Variants in CATSPERE observed in about 807,000 individuals in gnomAD.
The protein encoded by CATSPERE is cation channel sperm-associated auxiliary subunit epsilon.
Under a neutral mutation model 114.1 loss-of-function variants are expected in CATSPERE, and 93 were observed. The ratio of observed to expected loss-of-function variants is 0.81; its 90% CI spans 0.69 to 0.97. The LOEUF (loss-of-function observed/expected upper bound fraction) is 0.97. Ranked by LOEUF, CATSPERE falls within the 50% of genes least tolerant of loss-of-function variation. The pLI, the probability that CATSPERE is intolerant of heterozygous loss-of-function variation, is 0.00. For missense variants in CATSPERE, 1,058 were observed against 1,131.6 expected (o/e 0.93, Z 0.93); for synonymous variants, 341 against 384.1 (o/e 0.89, Z 1.31).
At position 244,572,572 on chromosome 1, in the gene CATSPERE, C is replaced by A. The variant is rs987587706; in HGVS notation, c.1750C>A (p.Pro584Thr). The A allele has an allele frequency of 6.2e-7, 1 of 1,614,050 alleles. No individual in the cohort carries two copies. Among genetic ancestry groups the A allele is most frequent in the South Asian group, 1.1e-5 (1 of 91,072 alleles). Reference protein sequence around the residue: ...SIAFTTKDKCPYMAFHNNVAH... With the variant: ...SIAFTTKDKCTYMAFHNNVAH... ...AGCTTTCACAACAAAAGACAAATGC[C>A]CATACATGGCATTTCATAACAATGT... Residue 584 changes from proline (P) to threonine (T), a missense_variant, in exon 11 of 22, where the codon CCA becomes ACA. Pro to Thr is a conservative substitution (Grantham distance 38). Around this residue, in one of 2 missense-constraint regions of CATSPERE, gnomAD observed 787 missense variants for 905.6 expected, o/e 0.87. Transcript: ENST00000366534.
chr1:244,475,690 C>T (rs1669225363), intron 2 of CATSPERE, among the ~76,000 whole-genome samples: 1 of 151,876 alleles, frequency 6.6e-6, no homozygotes, highest in Non-Finnish European at 1.5e-5. Flanking sequence ...GTGCGCACCA[C>T]CACGCCTAGC....
At chr1:244,596,380 C>G (rs1046931697) in intron 17 of CATSPERE, among the ~76,000 whole-genome samples, 1 of 152,226 alleles carries the variant, frequency 6.6e-6, no homozygotes, top group African/African-American at 2.4e-5. Context: ...GTCTACAGAG[C>G]AGCCATTCTG....
chr1:244,577,127 T>C (rs903576482), intron 11 of CATSPERE, among the ~76,000 whole-genome samples: 2 of 151,854 alleles, frequency 1.3e-5, no homozygotes, highest in African/African-American at 2.4e-5. Flanking sequence ...AATTTTATAA[T>C]TTTTTTCAGT....
chr1:244,618,283 T>C (rs1279796678), intron 20 of CATSPERE, among the ~76,000 whole-genome samples: 1 of 152,030 alleles, frequency 6.6e-6, no homozygotes, highest in African/African-American at 2.4e-5. Context: ...CTATGGCTTG[T>C]GGAGTCGCAA....
At chr1:244,622,947 C>G (rs1672584154) in intron 20 of CATSPERE, among the ~76,000 whole-genome samples, 1 of 152,054 alleles carries the variant, frequency 6.6e-6, no homozygotes, top group South Asian at 2.1e-4. Flanking sequence ...CCAAAAGTGT[C>G]CTAGGTAGCC....
chr1:244,474,739 T>C (rs868596988), intron 2 of CATSPERE, among the ~76,000 whole-genome samples: 5 of 138,342 alleles, frequency 3.6e-5, no homozygotes, highest in African/African-American at 1.5e-4. Flanking sequence ...TTCTTCTTCT[T>C]TTTTTTTTTT....
At position 244,640,212 on chromosome 1, in the gene CATSPERE, G is replaced by T; in HGVS notation, c.*131G>T. ...TCGTAGTAGGCATCACCAAATTCAA[G>T]ATCTGAAAAATATTCTTGAACTATC... On this transcript the variant is annotated 3_prime_UTR_variant, in exon 22 of 22. Coordinates refer to ENST00000366534, the MANE Select transcript of CATSPERE (RefSeq NM_001130957.2). 1 of 614,402 alleles carries T rather than the reference G, an allele frequency of 1.6e-6. No homozygotes were observed. Among genetic ancestry groups the T allele is most frequent in the Non-Finnish European group, 2.7e-6 (1 of 373,338 alleles). The allele number at this position is 614,402 out of a possible 1,614,324, so 38.1% of individuals were successfully genotyped here. A position where few individuals can be genotyped will look rare whatever the true frequency, so the allele number is the denominator to read the frequency against.
upstream of CATSPERE, among the ~76,000 whole-genome samples, chr1:244,459,921 C>A (rs569453620): frequency 5.9e-5 from 9 of 152,338 alleles, no homozygotes; most frequent in Non-Finnish European, 1.0e-4. Context: ...GGTTCACTCC[C>A]ATTCCCATTA....
At chr1:244,620,888 T>C (rs374024358) in intron 20 of CATSPERE, among the ~76,000 whole-genome samples, 30 of 149,800 alleles carry the variant, frequency 2.0e-4, no homozygotes, top group African/African-American at 7.1e-4. Context: ...GGAGGACAAG[T>C]GTAAGGCCCT....
At chr1:244,487,527 C>T (rs1485218533) in intron 5 of CATSPERE, among the ~76,000 whole-genome samples, 1 of 152,120 alleles carries the variant, frequency 6.6e-6, no homozygotes, top group Non-Finnish European at 1.5e-5. Flanking sequence ...GAGTAAGCCA[C>T]GCCATCATCA....
intron 10 of CATSPERE, among the ~76,000 whole-genome samples, chr1:244,565,476 G>C (rs1039113340): frequency 6.6e-6 from 1 of 152,086 alleles, no homozygotes; most frequent in African/African-American, 2.4e-5. Flanking sequence ...TTTCATTTTG[G>C]GAGGGTGTAT....
intron 12 of CATSPERE, among the ~76,000 whole-genome samples, chr1:244,583,092 G>A (rs1666475763): frequency 6.6e-6 from 1 of 151,884 alleles, no homozygotes; most frequent in Admixed American, 6.6e-5. Context: ...ATCTCTTTAT[G>A]CTCCTAATGG....
chr1:244,586,146 T>C (rs769704419), intron 13 of CATSPERE, among the ~76,000 whole-genome samples: 6 of 152,232 alleles, frequency 3.9e-5, no homozygotes, highest in Admixed American at 6.5e-5. Flanking sequence ...TGTCCAGTTC[T>C]GGGAATATGT....
intron 10 of CATSPERE, among the ~76,000 whole-genome samples, chr1:244,566,089 T>C (rs1663427072): frequency 6.6e-6 from 1 of 152,248 alleles, no homozygotes; most frequent in East Asian, 1.9e-4. Context: ...CCAGTAGTCA[T>C]TCAGGAGCAG....
At position 244,461,313 on chromosome 1, in the gene CATSPERE, T is replaced by G; in HGVS notation, c.-117T>G. The stretch of plus-strand genomic sequence containing the variant: ...TGGTCTTCAGGCCCGGCCCGCCCTG[T>G]CCAGAGGCGCCGGGACCCAGGCGCC... On this transcript the variant is annotated 5_prime_UTR_variant, in exon 1 of 22. Transcript: ENST00000366534. The G allele has an allele frequency of 3.4e-6, 3 of 889,474 alleles. No individual in the cohort carries two copies. The highest frequency in any genetic ancestry group is 4.5e-6 in the Non-Finnish European group (3 of 664,350). The allele number at this position is 889,474 out of a possible 1,614,324, so 55.1% of individuals were successfully genotyped here. A position where few individuals can be genotyped will look rare whatever the true frequency, so the allele number is the denominator to read the frequency against.
intron 8 of CATSPERE, among the ~76,000 whole-genome samples, chr1:244,527,563 G>A (rs1026096112): frequency 2.0e-5 from 3 of 152,034 alleles, no homozygotes; most frequent in Non-Finnish European, 4.4e-5. Context: ...ACAGGGTCCC[G>A]AGGCAACATA....
chr1:244,474,898 C>T (rs1301384627), intron 2 of CATSPERE, among the ~76,000 whole-genome samples: 1 of 151,804 alleles, frequency 6.6e-6, no homozygotes, highest in Non-Finnish European at 1.5e-5. Flanking sequence ...TGTGTGCCAC[C>T]ACACCCAGCT....
intron 20 of CATSPERE, among the ~76,000 whole-genome samples, chr1:244,621,119 A>AT (rs1672157312): frequency 2.3e-5 from 2 of 88,256 alleles, no homozygotes; most frequent in Non-Finnish European, 4.1e-5. Context: ...TATATATAAT[A>AT]TATATATAAA....
intron 14 of CATSPERE, 29 bp downstream of exon 14, chr1:244,588,563 A>T: frequency 1.3e-6 from 2 of 1,535,620 alleles, no homozygotes; most frequent in Non-Finnish European, 1.8e-6. Context: ...GACCTGTGTT[A>T]CTCTTTAAGT....
Sources: gnomAD v4.1 joint callset for allele counts (sites outside exome capture counted in the v4.1 genomes callset) on GRCh38, gnomAD v4.1.1 for gene constraint, gnomAD v4.1.1 regional missense constraint, MANE v1.5 for transcripts, NCBI Gene and HGNC (gene_info 2026-07-23, HGNC 2026-07-21) for gene names.